Variants in MKRN2OS observed in about 807,000 individuals in gnomAD.
The protein encoded by MKRN2OS is MKRN2 opposite strand protein.
MKRN2OS carries 17 observed loss-of-function variants against 18.2 expected under a neutral mutation model. The ratio of observed to expected loss-of-function variants is 0.93; its 90% confidence interval spans 0.64 to 1.40. MKRN2OS has a LOEUF of 1.40. Among genes scored for constraint, MKRN2OS ranks in the 40% most tolerant of loss-of-function variants. The pLI is 0.00. For missense variants in MKRN2OS, 337 were observed against 283.0 expected (o/e 1.19, Z -1.37); for synonymous variants, 121 against 108.5 (o/e 1.12, Z -0.72).
chr3:12,560,348 G>A (rs774622512), intron 1 of MKRN2OS, among the ~76,000 whole-genome samples: 2 of 151,834 alleles, frequency 1.3e-5, no homozygotes, highest in African/African-American at 2.4e-5. Flanking sequence ...TTTCATTCCC[G>A]CCTCTAATCA....
chr3:12,548,821 C>A (rs1000022363), upstream of MKRN2OS, among the ~76,000 whole-genome samples: 21 of 152,232 alleles, frequency 1.4e-4, no homozygotes, highest in African/African-American at 4.8e-4. Context: ...TCAACACAAG[C>A]ATCTTCAATC....
intron 1 of MKRN2OS, among the ~76,000 whole-genome samples, chr3:12,558,838 G>T (rs1167222471): frequency 6.6e-6 from 1 of 152,172 alleles, no homozygotes; most frequent in Admixed American, 6.6e-5. Context: ...AGTCATGTTT[G>T]TTGGGGACTT....
intron 2 of MKRN2OS, 98 bp downstream of exon 2, chr3:12,543,082 G>A: frequency 1.0e-6 from 1 of 971,400 alleles, no homozygotes; most frequent in Non-Finnish European, 1.5e-6. Flanking sequence ...GTGAACAATG[G>A]AATCACTTAT....
At chr3:12,558,695 G>T (rs1043446185) in intron 1 of MKRN2OS, among the ~76,000 whole-genome samples, 14 of 152,136 alleles carry the variant, frequency 9.2e-5, no homozygotes, top group Admixed American at 5.2e-4. Flanking sequence ...TTTTTTCCTT[G>T]TATACCTGGA....
At chr3:12,543,907 AAAT>A (rs1047420818) in intron 1 of MKRN2OS, among the ~76,000 whole-genome samples, 4 of 151,096 alleles carry the variant, frequency 2.6e-5, no homozygotes, top group African/African-American at 4.9e-5. Flanking sequence ...AAAAAAAAAA[AAAT>A]AACAGTTTTA....
intron 1 of MKRN2OS, chr3:12,557,085 C>G: frequency 1.4e-6 from 2 of 1,450,114 alleles, no homozygotes; most frequent in Non-Finnish European, 1.8e-6. Flanking sequence ...CGGGCCAGGG[C>G]CAAGGCCGAG....
intron 1 of MKRN2OS, among the ~76,000 whole-genome samples, chr3:12,557,604 C>T (rs1272949130): frequency 6.6e-6 from 1 of 152,204 alleles, no homozygotes; most frequent in Non-Finnish European, 1.5e-5. Flanking sequence ...ATTATGAGGG[C>T]CTCAAAGTTT....
chr3:12,557,417 G>A (rs2057986895), intron 1 of MKRN2OS, among the ~76,000 whole-genome samples: 1 of 152,242 alleles, frequency 6.6e-6, no homozygotes, highest in Non-Finnish European at 1.5e-5. Flanking sequence ...AGTTTGAAGC[G>A]TGGCCCCTGT....
rs971378055 is a variant in MKRN2OS, at chr3:12,539,973, C to T, written c.*220G>A. 3.3e-5 allele frequency: 18 copies of T among 549,874 alleles called. No homozygotes were observed. The highest frequency in any genetic ancestry group is 7.6e-5 in the African/African-American group (4 of 52,598). 34.1% of individuals were successfully genotyped at this position (549,874 alleles called of 1,614,324 possible). On this transcript the variant is annotated 3_prime_UTR_variant, in exon 4 of 4. Coordinates refer to ENST00000564146, the MANE Select transcript of MKRN2OS (RefSeq NM_001195279.2). ...GCTAATTTTATATTTTTAGTAAGGACGGGGTTTCTCCATGTTGGTCAGGCT... is the reference window on the plus strand; with the variant it reads ...GCTAATTTTATATTTTTAGTAAGGATGGGGTTTCTCCATGTTGGTCAGGCT...
At chr3:12,556,582 A>G (rs181785859) in intron 1 of MKRN2OS, among the ~76,000 whole-genome samples, 51 of 152,240 alleles carry the variant, frequency 3.3e-4, no homozygotes, top group Admixed American at 3.2e-3. Context: ...AATGAAGACT[A>G]AAACTTGTGG....
intron 1 of MKRN2OS, among the ~76,000 whole-genome samples, chr3:12,544,744 C>T (rs1231674179): frequency 2.0e-5 from 3 of 152,002 alleles, no homozygotes; most frequent in Non-Finnish European, 2.9e-5. Context: ...TTTATGCTAG[C>T]GCTCTCAGCA....
Position 12,540,023 on chromosome 3 carries a change from G to T in MKRN2OS, c.*170C>A. 2.2e-6 allele frequency: 2 copies of T among 899,254 alleles called. No individual in the cohort carries two copies. Among genetic ancestry groups the T allele is most frequent in the Non-Finnish European group, 3.3e-6 (2 of 606,066 alleles). The allele number at this position is 899,254 out of a possible 1,614,324, so 55.7% of individuals were successfully genotyped here. ...TGGTCTCAAACTCCCAACCTCAGGT[G>T]ACCTACCTGTCTTAGCTTCCCAAAG... On this transcript the variant is annotated 3_prime_UTR_variant, in exon 4 of 4. Transcript: ENST00000564146.
At chr3:12,542,119 T>A (rs2057823517) in intron 2 of MKRN2OS, 97 bp from the exon 3 acceptor site, 1 of 1,233,968 alleles carries the variant, frequency 8.1e-7, no homozygotes, top group Non-Finnish European at 1.1e-6. Context: ...GTGGTAACTT[T>A]ACGTAACATA....
upstream of MKRN2OS, chr3:12,545,622 C>T (rs2057875854): frequency 1.9e-6 from 1 of 530,160 alleles, no homozygotes; most frequent in East Asian, 3.2e-5. Flanking sequence ...TAACCAGTAG[C>T]CAGGCCTCCC....
downstream of MKRN2OS, among the ~76,000 whole-genome samples, chr3:12,552,414 A>AT (rs367692238): frequency 0.38 from 54,540 of 142,186 alleles, 11,661 homozygotes; most frequent in African/African-American, 0.58. Flanking sequence ...TTAATTTTTA[A>AT]TTTTTTTTTT....
At position 12,540,332 on chromosome 3, in the gene MKRN2OS, G is replaced by A. The variant is rs559831195; in HGVS notation, c.533C>T (p.Thr178Met). 1.2e-4 allele frequency: 186 copies of A among 1,535,956 alleles called. No individual in the cohort carries two copies. The highest frequency in any genetic ancestry group is 1.5e-4 in the Non-Finnish European group (170 of 1,146,908). The change falls in exon 4 of 4, where the codon ACG becomes ATG. Residue 178 changes from threonine to methionine, a missense_variant. Thr to Met is a moderately conservative substitution (Grantham distance 81). Coordinates refer to ENST00000564146, the MANE Select transcript of MKRN2OS (RefSeq NM_001195279.2). ...GRQQLDKGEFTEKYVVPRTRL... is the reference protein window; with the variant it reads ...GRQQLDKGEFMEKYVVPRTRL... ...TGTCCGCGGGACCACGTACTTCTCC[G>A]TAAATTCACCCTTGTCCAGTTGCTG...
At chr3:12,552,570 C>T (rs1026315045), downstream of MKRN2OS, among the ~76,000 whole-genome samples, 1 of 151,442 alleles carries the variant, frequency 6.6e-6, no homozygotes, top group Admixed American at 6.6e-5. Flanking sequence ...CACCACCACA[C>T]CTGAATAATT....
chr3:12,541,549 A>G (rs2057813640), intron 3 of MKRN2OS, among the ~76,000 whole-genome samples: 1 of 152,138 alleles, frequency 6.6e-6, no homozygotes, highest in Non-Finnish European at 1.5e-5. Context: ...TTTTAAGGAA[A>G]TATAATATCG....
At chr3:12,543,001 T>C (rs1365808472) in intron 2 of MKRN2OS, among the ~76,000 whole-genome samples, 179 bp downstream of exon 2, 1 of 152,232 alleles carries the variant, frequency 6.6e-6, no homozygotes, top group Non-Finnish European at 1.5e-5. Flanking sequence ...TTGTTAGTGA[T>C]AATTTGCCAT....
Sources: allele counts gnomAD v4.1 joint callset (sites outside exome capture counted in the v4.1 genomes callset), GRCh38; gene constraint gnomAD v4.1.1; transcripts MANE v1.5; gene names NCBI Gene and HGNC (gene_info 2026-07-23, HGNC 2026-07-21).